The following PLXNA4 variants were observed in gnomAD, a reference collection of about 807,000 sequenced individuals.
PLXNA4 encodes plexin A4.
PLXNA4 carries 44 observed loss-of-function variants against 191.8 expected under a neutral mutation model. That is an observed-to-expected ratio of 0.23 (90% CI 0.18 to 0.29). The LOEUF (loss-of-function observed/expected upper bound fraction) is 0.29, where lower values mean the gene tolerates loss of function less well. Among genes scored for constraint, PLXNA4 ranks in the 10% least tolerant of loss-of-function variants. The probability of loss-of-function intolerance (pLI) is 1.00; values close to 1 mark genes in which losing one functional copy is unlikely to be tolerated. For missense variants in PLXNA4, 1,800 were observed against 2,488.8 expected, an observed-to-expected ratio of 0.72 and a Z score of 5.89; for synonymous variants, 1,082 against 1,009.5, an observed-to-expected ratio of 1.07 and a Z score of -1.36.
chr7:132,630,406 CAG>C (rs890387942), intron 2 of PLXNA4, among the ~76,000 whole-genome samples: 2 of 152,372 alleles, frequency 1.3e-5, no homozygotes, highest in Admixed American at 1.3e-4. Context: ...TTTTCTCCAG[CAG>C]AGTTTTCACT....
At chr7:132,250,463 AAAACCT>A (rs1799209097) in intron 4 of PLXNA4, among the ~76,000 whole-genome samples, 2 of 152,210 alleles carry the variant, frequency 1.3e-5, no homozygotes, top group South Asian at 4.1e-4. Flanking sequence ...GCTCTACTCT[AAAACCT>A]ATCATTTCTG....
intron 12 of PLXNA4, among the ~76,000 whole-genome samples, chr7:132,201,870 A>G (rs1046788707): frequency 2.0e-5 from 3 of 152,306 alleles, no homozygotes; most frequent in South Asian, 2.1e-4. Context: ...ATGATGAGTG[A>G]GGAGGCTGGT....
chr7:132,541,712 T>C (rs1800095797), intron 1 of PLXNA4, among the ~76,000 whole-genome samples: 1 of 152,268 alleles, frequency 6.6e-6, no homozygotes, highest in Non-Finnish European at 1.5e-5. Context: ...CGAGGACACT[T>C]TAAATAGAGC....
At chr7:132,505,523 CAT>C (rs1798428673) in intron 2 of PLXNA4, among the ~76,000 whole-genome samples, 3 of 152,180 alleles carry the variant, frequency 2.0e-5, no homozygotes, top group African/African-American at 7.2e-5. Context: ...CGTCTTCTAA[CAT>C]AGGCCTGCAT....
intron 2 of PLXNA4, among the ~76,000 whole-genome samples, chr7:132,598,251 G>A (rs1440625212): frequency 6.6e-6 from 1 of 152,144 alleles, no homozygotes; most frequent in Non-Finnish European, 1.5e-5. Flanking sequence ...TGGGACTACA[G>A]GTGCTCACCA....
intron 5 of PLXNA4, among the ~76,000 whole-genome samples, chr7:132,238,929 C>T (rs548675847): frequency 6.6e-6 from 1 of 152,298 alleles, no homozygotes; most frequent in South Asian, 2.1e-4. Flanking sequence ...GTCCTCATAC[C>T]ATCTCATTTG....
intron 3 of PLXNA4, among the ~76,000 whole-genome samples, chr7:132,397,637 G>T (rs1585080920): frequency 6.6e-6 from 1 of 152,202 alleles, no homozygotes; most frequent in East Asian, 1.9e-4. Flanking sequence ...GGATGAAGCA[G>T]CTCCTAGACT....
chr7:132,158,793 C>T (rs940994221), intron 25 of PLXNA4, among the ~76,000 whole-genome samples: 1 of 152,164 alleles, frequency 6.6e-6, no homozygotes, highest in Non-Finnish European at 1.5e-5. Flanking sequence ...CCTGGGGCTC[C>T]CCATGAGGAT....
In PLXNA4 at chr7:132,508,517, C is replaced by T. The variant is rs1798577605; in HGVS notation, c.177G>A (p.Arg59=). 6.2e-7 allele frequency: 1 copy of T among 1,614,180 alleles called. No individual in the cohort carries two copies. The highest frequency in any genetic ancestry group is 8.5e-7 in the Non-Finnish European group (1 of 1,180,036). ...EGFNHLVVDE[R]TGHIYLGAVN... ...CGGCCCCCAAGTAAATGTGTCCTGT[C>T]CTCTCATCCACCACCAGGTGATTGA... Residue 59 remains arginine (R), a synonymous_variant, in exon 2 of 32, where the codon AGG becomes AGA. Coordinates refer to ENST00000321063, the MANE Select transcript of PLXNA4 (RefSeq NM_020911.2). This position sits in a 1 kb window ranked among gnomAD's most constrained non-coding sequence, Gnocchi z 4.4.
rs1794758700 is a variant in PLXNA4 at position 132,125,987 on chromosome 7, C to T, written c.*4492G>A. The stretch of plus-strand genomic sequence containing the variant: ...ATGTCTGTCTGTCTTTCCCTCACTG[C>T]TTGGCTGTCTGTGAGGTGGGAGGTT... On this transcript the variant is annotated 3_prime_UTR_variant, in exon 32 of 32. Coordinates refer to ENST00000321063, the MANE Select transcript of PLXNA4 (RefSeq NM_020911.2). 6.6e-6 allele frequency: 1 copy of T among 152,306 alleles called. No individual in the cohort carries two copies. The highest frequency in any genetic ancestry group is 2.4e-5 in the African/African-American group (1 of 41,454). The allele number at this position is 152,306 out of a possible 1,614,324, so 9.4% of individuals were successfully genotyped here. A position where few individuals can be genotyped will look rare whatever the true frequency, so the allele number is the denominator to read the frequency against.
At chr7:132,550,669 C>A (rs556919973) in intron 1 of PLXNA4, among the ~76,000 whole-genome samples, 11 of 152,322 alleles carry the variant, frequency 7.2e-5, no homozygotes, top group Admixed American at 6.5e-4. Flanking sequence ...TCCTCCCCTC[C>A]CTCAAGGCTT....
intron 3 of PLXNA4, among the ~76,000 whole-genome samples, chr7:132,365,262 T>A (rs1485286673): frequency 1.3e-5 from 2 of 152,006 alleles, no homozygotes; most frequent in African/African-American, 4.8e-5. Flanking sequence ...GTCCCTTGAG[T>A]ACACTGCAGA....
At chr7:132,167,479 G>A (rs1056336083) in intron 22 of PLXNA4, among the ~76,000 whole-genome samples, 2 of 152,140 alleles carry the variant, frequency 1.3e-5, no homozygotes, top group African/African-American at 4.8e-5. Flanking sequence ...TCACTAAAAT[G>A]CAGGTTCTGA....
chr7:132,190,897 T>C (rs564090766), intron 14 of PLXNA4, among the ~76,000 whole-genome samples: 1 of 152,288 alleles, frequency 6.6e-6, no homozygotes, highest in East Asian at 1.9e-4. Context: ...AGCGGTGTGA[T>C]GCAGTCAGAT....
intron 3 of PLXNA4, among the ~76,000 whole-genome samples, chr7:132,360,311 C>A (rs1448829089): frequency 6.6e-6 from 1 of 152,286 alleles, no homozygotes; most frequent in East Asian, 1.9e-4. Context: ...CATGAGAGTT[C>A]TTGTTGTCCC....
intron 3 of PLXNA4, among the ~76,000 whole-genome samples, chr7:132,378,519 T>A (rs1215390422): frequency 6.6e-6 from 1 of 152,196 alleles, no homozygotes; most frequent in African/African-American, 2.4e-5. Flanking sequence ...TTCTGAGGAT[T>A]GTGCCCATCC....
chr7:132,497,042 AAAAGGTCTTTATATTCTTCATGTTGAGC>A (rs1188199525), intron 2 of PLXNA4, among the ~76,000 whole-genome samples: 1 of 152,216 alleles, frequency 6.6e-6, no homozygotes, highest in East Asian at 1.9e-4. Context: ...TACAGAAAAG[AAAAGGTCTTTATATTCTTCATGTTGAGC>A]AGCCCTAAAT....
chr7:132,483,657 A>G (rs1339441263), intron 3 of PLXNA4, among the ~76,000 whole-genome samples: 1 of 152,152 alleles, frequency 6.6e-6, no homozygotes, highest in Non-Finnish European at 1.5e-5. Context: ...TTAATTTATG[A>G]TCAGGATCTT....
intron 3 of PLXNA4, among the ~76,000 whole-genome samples, chr7:132,398,584 G>C (rs557941066): frequency 6.6e-6 from 1 of 152,202 alleles, no homozygotes; most frequent in Admixed American, 6.5e-5. Context: ...CAGTTTAAGA[G>C]CCTGGGCTCC....
Sources: gnomAD v4.1 joint callset for allele counts (sites outside exome capture counted in the v4.1 genomes callset) on GRCh38, gnomAD v4.1.1 for gene constraint, Gnocchi (gnomAD v3.1) non-coding constraint, MANE v1.5 for transcripts, NCBI Gene and HGNC (gene_info 2026-07-23, HGNC 2026-07-21) for gene names.